Variants in HUWE1 observed in about 807,000 individuals in gnomAD.
HUWE1 encodes E3 ubiquitin-protein ligase HUWE1.
In HUWE1, 18 loss-of-function variants were observed where a neutral mutation model predicts 299.4. That is an observed-to-expected ratio of 0.06 (90% CI 0.04 to 0.09). The LOEUF (loss-of-function observed/expected upper bound fraction) is 0.09, where lower values mean the gene tolerates loss of function less well. HUWE1 is among the 10% of genes least tolerant of loss of function. The pLI, the probability that HUWE1 is intolerant of heterozygous loss-of-function variation, is 1.00. For synonymous variants in HUWE1, 1,317 were observed against 1,286.1 expected (o/e 1.02, Z -0.51); for missense variants, 1,832 against 3,462.3 (o/e 0.53, Z 11.82).
At chrX:53,543,693 C>A in intron 73 of HUWE1, 148 bp downstream of exon 73, 1 of 886,122 alleles carries the variant, frequency 1.1e-6, no homozygotes, top group Non-Finnish European at 1.6e-6. Context: ...AAAACACCAA[C>A]AGAAAGTAAC....
intron 42 of HUWE1, among the ~76,000 whole-genome samples, chrX:53,582,554 T>C (rs924002081): frequency 3.5e-5 from 4 of 112,752 alleles, no homozygotes; most frequent in African/African-American, 1.3e-4. Context: ...ATCTTAAACA[T>C]GAACAAAGTT....
chrX:53,648,162 G>C (rs2068191263), intron 5 of HUWE1, 50 bp downstream of exon 5: 2 of 776,885 alleles, frequency 2.6e-6, no homozygotes, highest in African/African-American at 4.1e-5. Context: ...CATACAAAAT[G>C]ATGTATTAGT....
chrX:53,593,325 T>G, intron 32 of HUWE1, 39 bp downstream of exon 32: 11 of 971,227 alleles, frequency 1.1e-5, no homozygotes, highest in South Asian at 1.9e-5. Flanking sequence ...CGACTTAGCA[T>G]GAGAAATTCC....
chrX:53,535,995 G>A, intron 80 of HUWE1, 152 bp downstream of exon 80: 1 of 318,259 alleles, frequency 3.1e-6, no homozygotes, highest in Non-Finnish European at 5.9e-6. Flanking sequence ...TCCTGTTTGT[G>A]ATGTCACTCA....
chrX:53,649,425 A>C (rs1346067651), intron 4 of HUWE1, among the ~76,000 whole-genome samples: 3 of 111,915 alleles, frequency 2.7e-5, no homozygotes, highest in African/African-American at 6.5e-5. Flanking sequence ...ATATCCAGCA[A>C]TGCTGTCGTG....
intron 4 of HUWE1, among the ~76,000 whole-genome samples, chrX:53,650,060 T>C (rs1375425555): frequency 8.9e-6 from 1 of 112,070 alleles, no homozygotes; most frequent in Admixed American, 9.4e-5. Context: ...CTGGGTCTAC[T>C]AGGTCATAAT....
chrX:53,618,565 CTTTTTTTTTTT>C (rs1158947305), intron 19 of HUWE1, among the ~76,000 whole-genome samples: 1 of 88,885 alleles, frequency 1.1e-5, no homozygotes, highest in African/African-American at 4.1e-5. Context: ...TAAGAATTTT[CTTTTTTTTTTT>C]TTTTTTTAGA....
chrX:53,536,295 G>A (rs781920310), intron 79 of HUWE1, 43 bp from the exon 80 acceptor site: 7 of 1,147,875 alleles, frequency 6.1e-6, no homozygotes, highest in Middle Eastern at 2.4e-4. Flanking sequence ...TGCGAGTGGG[G>A]GGGAAGAAGG....
intron 55 of HUWE1, among the ~76,000 whole-genome samples, chrX:53,561,328 A>G (rs1428497690): frequency 1.8e-5 from 2 of 112,360 alleles, no homozygotes; most frequent in African/African-American, 6.5e-5. Context: ...TCCTGGATGA[A>G]TAGAGTGAGT....
At chrX:53,648,876 GT>G (rs2068269630) in intron 4 of HUWE1, among the ~76,000 whole-genome samples, 2 of 111,930 alleles carry the variant, frequency 1.8e-5, no homozygotes, top group East Asian at 5.6e-4. Flanking sequence ...CTTTCTTGGG[GT>G]TCCTATTTCC....
chrX:53,573,654 C>T lies in HUWE1; in HGVS notation c.6312+96G>A, dbSNP rs1306509966. The T allele has an allele frequency of 1.1e-5, 8 of 751,798 alleles. No homozygotes were observed. The African/African-American group carries it at 1.4e-4, about 14-fold the overall frequency. 62.0% of individuals were successfully genotyped at this position (751,798 alleles called of 1,213,427 possible). A position where few individuals can be genotyped will look rare whatever the true frequency, so the allele number is the denominator to read the frequency against. ...TTCTCACTCATTACTTGGGTTAGCA[C>T]TTAGCATGCACAGCTTCCCAGCAGT... On this transcript the variant is annotated intron_variant, in intron 47 of 83. Transcript: ENST00000262854.
chrX:53,539,754 G>T lies in HUWE1; in HGVS notation c.11535C>A (p.Pro3845=). Residue 3845 remains proline (P), a synonymous_variant, in exon 75 of 84, where the codon CCC becomes CCA. Coordinates refer to ENST00000262854, the MANE Select transcript of HUWE1 (RefSeq NM_031407.7). The stretch of plus-strand genomic sequence containing the variant: ...CCAAACTCAGCTGCTCGCTGAGCAG[G>T]GGTAACTCAGGTGGTCTTTCTTCCT... ...KEKEERPPEL[P]LLSEQLSLDE... The T allele has an allele frequency of 1.7e-6, 2 of 1,210,758 alleles. No homozygotes were observed. Among genetic ancestry groups the T allele is most frequent in the Non-Finnish European group, 2.2e-6 (2 of 894,507 alleles).
At chrX:53,607,374 A>G (rs1486435939) in intron 25 of HUWE1, 149 bp downstream of exon 25, 1 of 495,760 alleles carries the variant, frequency 2.0e-6, no homozygotes, top group Non-Finnish European at 3.4e-6. Context: ...CACACTATAT[A>G]TTAGTCACAA....
intron 26 of HUWE1, 121 bp downstream of exon 26, chrX:53,604,468 C>G: frequency 1.3e-6 from 1 of 797,923 alleles, no homozygotes; most frequent in Non-Finnish European, 1.9e-6. Context: ...CTAAATTGGA[C>G]TGTTCTTTTA....
At chrX:53,620,925 T>C (rs2066111115) in intron 19 of HUWE1, among the ~76,000 whole-genome samples, 1 of 111,308 alleles carries the variant, frequency 9.0e-6, no homozygotes, top group African/African-American at 3.3e-5. Flanking sequence ...CCAAAGTCCT[T>C]TCCTAATATG....
At chrX:53,628,017 G>T (rs1185927899) in intron 15 of HUWE1, 138 bp from the exon 16 acceptor site, 4 of 543,603 alleles carry the variant, frequency 7.4e-6, no homozygotes, top group Non-Finnish European at 1.2e-5. Context: ...TTTATTTTTG[G>T]TGCCTGCCAA....
At chrX:53,648,395 C>T in intron 4 of HUWE1, 85 bp from the exon 5 acceptor site, 2 of 551,016 alleles carry the variant, frequency 3.6e-6, no homozygotes, top group East Asian at 7.2e-5. Context: ...CCCTTAAGCT[C>T]ACACAGCAAT....
chrX:53,536,036 G>A (rs900051312), intron 80 of HUWE1, 111 bp downstream of exon 80: 9 of 462,030 alleles, frequency 1.9e-5, no homozygotes, highest in African/African-American at 5.0e-5. Flanking sequence ...AAGAAGTCAA[G>A]ATGCTTCCTT....
intron 23 of HUWE1, among the ~76,000 whole-genome samples, chrX:53,612,693 A>AC (rs1557003506): frequency 5.4e-5 from 6 of 111,923 alleles, no homozygotes; most frequent in African/African-American, 2.0e-4. Flanking sequence ...TTGGAGGTAA[A>AC]AAACCAACCA....
Sources: gnomAD v4.1 joint callset for allele counts (sites outside exome capture counted in the v4.1 genomes callset) on GRCh38, gnomAD v4.1.1 for gene constraint, MANE v1.5 for transcripts, NCBI Gene and HGNC (gene_info 2026-07-23, HGNC 2026-07-21) for gene names.